HIVEP3: variants seen among roughly 807,000 people sequenced by gnomAD.
The protein encoded by HIVEP3 is transcription factor HIVEP3.
HIVEP3 carries 49 observed loss-of-function variants against 152.8 expected under a neutral mutation model. That is an observed-to-expected ratio of 0.32 (90% CI 0.26 to 0.41). The LOEUF (loss-of-function observed/expected upper bound fraction) is 0.41. HIVEP3 is among the 10% of genes least tolerant of loss of function. HIVEP3 has a pLI of 1.00. For synonymous variants in HIVEP3, 1,269 were observed against 1,289.0 expected (o/e 0.98, Z 0.33); for missense variants, 2,790 against 3,103.3 (o/e 0.90, Z 2.40).
rs140763133 is a variant in HIVEP3, at chr1:41,614,008, C to T, written c.-522+14741G>A. Among the ~76,000 whole-genome samples the T allele has an allele frequency of 6.5e-4, 99 of 152,304 alleles. 1 individual carries two copies. Among genetic ancestry groups the T allele is most frequent in the African/African-American group, 2.3e-3 (97 of 41,562 alleles). ...TGTTTCCTGGTGTTTCTCACAGCAC[C>T]CTGACGCCCAGGCCACAATGCCTGT... On this transcript the variant is annotated intron_variant, in intron 3 of 8. Coordinates refer to ENST00000372583, the MANE Select transcript of HIVEP3 (RefSeq NM_024503.5).
At chr1:42,027,693 G>A (rs946275340) in intron 1 of HIVEP3, among the ~76,000 whole-genome samples, 7 of 152,178 alleles carry the variant, frequency 4.6e-5, no homozygotes, top group African/African-American at 1.7e-4. Context: ...ACAAAAAGAG[G>A]TTTAACTGGA....
At chr1:41,633,909 A>G (rs1434901861) in intron 2 of HIVEP3, among the ~76,000 whole-genome samples, 1 of 152,178 alleles carries the variant, frequency 6.6e-6, no homozygotes, top group East Asian at 1.9e-4. Flanking sequence ...AAGTTTGTAG[A>G]TGATATCTGG....
intron 2 of HIVEP3, among the ~76,000 whole-genome samples, chr1:41,633,768 C>A (rs902458190): frequency 6.6e-6 from 1 of 152,150 alleles, no homozygotes; most frequent in African/African-American, 2.4e-5. Flanking sequence ...TTGACACACC[C>A]ACCTTAAAGA....
intron 2 of HIVEP3, among the ~76,000 whole-genome samples, chr1:41,693,280 G>A (rs1379819886): frequency 6.6e-6 from 1 of 152,208 alleles, no homozygotes; most frequent in African/African-American, 2.4e-5. Flanking sequence ...TCCAGAAAAT[G>A]TGTATCAATT....
chr1:41,703,250 A>G lies in HIVEP3; in HGVS notation c.-800-2255T>C, dbSNP rs570149722. On this transcript the variant is annotated intron_variant, in intron 1 of 8. Transcript: ENST00000372583. ...GCACTTTCCAAATCCAGGATCATTCATTCTTGATTCTCATTGTCCAGTTTG... is the reference window on the plus strand; with the variant it reads ...GCACTTTCCAAATCCAGGATCATTCGTTCTTGATTCTCATTGTCCAGTTTG... Among the ~76,000 whole-genome samples, 157 of 152,344 alleles carry G rather than the reference A, an allele frequency of 1.0e-3. 1 individual carries two copies. Among genetic ancestry groups the G allele is most frequent in the Non-Finnish European group, 8.7e-4 (59 of 68,034 alleles).
intron 2 of HIVEP3, among the ~76,000 whole-genome samples, chr1:41,683,428 T>A (rs1034715808): frequency 5.3e-5 from 8 of 152,236 alleles, no homozygotes; most frequent in African/African-American, 1.9e-4. Context: ...GCCACAGACA[T>A]CCTTGCATCT....
intron 3 of HIVEP3, among the ~76,000 whole-genome samples, chr1:41,608,421 G>C (rs1377539516): frequency 6.6e-6 from 1 of 152,222 alleles, no homozygotes; most frequent in Non-Finnish European, 1.5e-5. Context: ...TGCTGTCTCA[G>C]ACTTTCCTTA....
At chr1:41,793,726 A>C (rs1261106730) in intron 1 of HIVEP3, among the ~76,000 whole-genome samples, 2 of 152,246 alleles carry the variant, frequency 1.3e-5, no homozygotes, top group Non-Finnish European at 2.9e-5. Flanking sequence ...AATTTTTACT[A>C]TGTCAGCCAC....
Position 41,872,361 on chromosome 1 carries a change from A to G in HIVEP3, c.-801+46052T>C, listed in dbSNP as rs532272552. On this transcript the variant is annotated intron_variant, in intron 1 of 8. Transcript: ENST00000372583. Reference sequence around the variant, plus strand: ...AGTTTGAACACTTAGCAGTTTATAAATGGTTGAAGTATGGCCACAGGGATT... The same window carrying G: ...AGTTTGAACACTTAGCAGTTTATAAGTGGTTGAAGTATGGCCACAGGGATT... Among the ~76,000 whole-genome samples the G allele has an allele frequency of 1.7e-3, 263 of 152,348 alleles. 1 individual carries two copies. The highest frequency in any genetic ancestry group is 1.5e-3 in the Non-Finnish European group (103 of 68,038).
chr1:42,006,852 A>G (rs1470912182), intron 1 of HIVEP3, among the ~76,000 whole-genome samples: 6 of 152,236 alleles, frequency 3.9e-5, no homozygotes, highest in Non-Finnish European at 8.8e-5. Context: ...CTAGATCACA[A>G]TTTGAGAATG....
chr1:41,589,231 G>T (rs1290873540), intron 3 of HIVEP3, among the ~76,000 whole-genome samples: 1 of 152,186 alleles, frequency 6.6e-6, no homozygotes, highest in African/African-American at 2.4e-5. Context: ...GACCAGAAGA[G>T]GATGGACAGC....
At chr1:41,673,331 G>A (rs529089277) in intron 2 of HIVEP3, among the ~76,000 whole-genome samples, 55 of 152,258 alleles carry the variant, frequency 3.6e-4, no homozygotes, top group African/African-American at 9.6e-4. Context: ...GGACCTTTAA[G>A]TACTTTATAG....
intron 1 of HIVEP3, among the ~76,000 whole-genome samples, chr1:41,734,574 G>A (rs376645383): frequency 1.8e-4 from 27 of 152,348 alleles, no homozygotes; most frequent in East Asian, 7.7e-4. Flanking sequence ...GATTTAGAAA[G>A]GCCCTTTGGG....
intron 1 of HIVEP3, among the ~76,000 whole-genome samples, chr1:41,966,239 T>G (rs1188085410): frequency 6.6e-6 from 1 of 151,756 alleles, no homozygotes; most frequent in Non-Finnish European, 1.5e-5. Context: ...CCACTAAAAA[T>G]GAAAAGGAAA....
chr1:41,784,988 T>C (rs1433111292), intron 1 of HIVEP3, among the ~76,000 whole-genome samples: 1 of 152,046 alleles, frequency 6.6e-6, no homozygotes, highest in East Asian at 1.9e-4. Flanking sequence ...TTTTGAAAAA[T>C]ACTGTTAATT....
At chr1:41,948,555 A>C (rs1463974634) in intron 1 of HIVEP3, among the ~76,000 whole-genome samples, 17 of 152,170 alleles carry the variant, frequency 1.1e-4, no homozygotes, top group Admixed American at 1.1e-3. Flanking sequence ...GCCGCAAGGC[A>C]GGACCCTCCA....
chr1:41,568,623 C>T (rs2810563), intron 5 of HIVEP3, among the ~76,000 whole-genome samples: 150,893 of 152,358 alleles, frequency 0.99, 74,735 homozygotes, highest in East Asian at 1. Context: ...TACCAGTGGC[C>T]TGACCCAGAG....
At chr1:41,625,663 A>C (rs920296114) in intron 3 of HIVEP3, among the ~76,000 whole-genome samples, 2 of 152,210 alleles carry the variant, frequency 1.3e-5, no homozygotes, top group African/African-American at 2.4e-5. Context: ...TGAGCCCAGG[A>C]GTTTGAGGCT....
chr1:41,609,440 C>A (rs1001509517), intron 3 of HIVEP3, among the ~76,000 whole-genome samples: 1 of 152,210 alleles, frequency 6.6e-6, no homozygotes, highest in African/African-American at 2.4e-5. Flanking sequence ...CGTGTAGGCA[C>A]CTGGCAGGCT....
Sources: gnomAD v4.1 joint callset for allele counts (sites outside exome capture counted in the v4.1 genomes callset) on GRCh38, gnomAD v4.1.1 for gene constraint, MANE v1.5 for transcripts, NCBI Gene and HGNC (gene_info 2026-07-23, HGNC 2026-07-21) for gene names.